Variants in RPTOR observed in about 807,000 individuals in gnomAD.
RPTOR encodes the protein regulatory associated protein of MTOR complex 1.
Under a neutral mutation model 169.9 loss-of-function variants are expected in RPTOR, and 21 were observed. The observed-to-expected ratio is 0.12, with a 90% CI of 0.09 to 0.18. The LOEUF (loss-of-function observed/expected upper bound fraction) is 0.18, where lower values mean the gene tolerates loss of function less well. Ranked by LOEUF, RPTOR falls within the 10% of genes least tolerant of loss-of-function variation. RPTOR has a pLI of 1.00. For missense variants in RPTOR, 1,133 were observed against 1,855.9 expected, an observed-to-expected ratio of 0.61 and a Z score of 7.16; for synonymous variants, 732 against 753.2, an observed-to-expected ratio of 0.97 and a Z score of 0.46.
chr17:80,575,218 T>A (rs2064951359), intron 1 of RPTOR, among the ~76,000 whole-genome samples: 1 of 151,944 alleles, frequency 6.6e-6, no homozygotes, highest in South Asian at 2.1e-4. Context: ...TTACCCAGGC[T>A]GGTCTTGAAT....
At position 80,960,210 on chromosome 17, in the gene RPTOR, C is replaced by G. The variant is rs755341746; in HGVS notation, c.3605+5C>G. ...AAGGATGGCACTCAGCGAATGGTAC[C>G]TTGACCCTGTCCTCTCCCTCCCCGA... On this transcript the variant is annotated splice_donor_5th_base_variant and intron_variant, in intron 30 of 33. Coordinates refer to ENST00000306801, the MANE Select transcript of RPTOR (RefSeq NM_020761.3). The surrounding 1 kb of genome is among the most constrained non-coding windows in gnomAD (Gnocchi z 4.8). 3 of 1,613,410 alleles carry G rather than the reference C, an allele frequency of 1.9e-6. No homozygotes were observed. The highest frequency in any genetic ancestry group is 2.5e-6 in the Non-Finnish European group (3 of 1,179,972).
intron 3 of RPTOR, among the ~76,000 whole-genome samples, chr17:80,685,627 A>ATATATATATTTTTT (rs1269766086): frequency 3.3e-5 from 1 of 30,698 alleles, no homozygotes; most frequent in Non-Finnish European, 5.4e-5. Flanking sequence ...ATATATATAT[A>ATATATATATTTTTT]TTTTTTTTTT....
At position 80,643,141 on chromosome 17, in the gene RPTOR, A is replaced by C. The variant is rs551306531; in HGVS notation, c.266-587A>C. On this transcript the variant is annotated intron_variant, in intron 2 of 33. Coordinates refer to ENST00000306801, the MANE Select transcript of RPTOR (RefSeq NM_020761.3). The stretch of plus-strand genomic sequence containing the variant: ...GGTTTTCAATAATTTTAGAGTGCAA[A>C]GGGGTCCTGAGACCAAACAAGTTTG... Among the ~76,000 whole-genome samples, 5 of 152,328 alleles carry C rather than the reference A, an allele frequency of 3.3e-5. No homozygotes were observed. The South Asian group carries it at 1.0e-3, about 32-fold the overall frequency.
intron 1 of RPTOR, among the ~76,000 whole-genome samples, chr17:80,607,518 C>G (rs2065237554): frequency 6.6e-6 from 1 of 151,990 alleles, no homozygotes; most frequent in Admixed American, 6.6e-5. Flanking sequence ...GATTTATACT[C>G]AGCTATGCCT....
chr17:80,765,746 C>T (rs2066780282), intron 6 of RPTOR, among the ~76,000 whole-genome samples: 1 of 152,154 alleles, frequency 6.6e-6, no homozygotes, highest in Non-Finnish European at 1.5e-5. Flanking sequence ...TGTTCTTTTT[C>T]TCTCGTTATG....
At chr17:80,795,478 G>A (rs1263165689) in intron 7 of RPTOR, among the ~76,000 whole-genome samples, 1 of 152,162 alleles carries the variant, frequency 6.6e-6, no homozygotes, top group South Asian at 2.1e-4. Flanking sequence ...ACAGCTGGAG[G>A]TTAGGGCAGT....
intron 2 of RPTOR, among the ~76,000 whole-genome samples, chr17:80,626,325 AC>A (rs1315533428): frequency 1.3e-5 from 2 of 148,818 alleles, no homozygotes; most frequent in African/African-American, 2.5e-5. Flanking sequence ...TACTGGGATT[AC>A]AGGCCAATTT....
At chr17:80,866,485 C>G (rs550632500) in intron 13 of RPTOR, among the ~76,000 whole-genome samples, 1 of 152,132 alleles carries the variant, frequency 6.6e-6, no homozygotes, top group Admixed American at 6.5e-5. Context: ...AGTGAAACAT[C>G]AAAATCTGTT....
At chr17:80,808,374 G>A (rs1157998062) in intron 7 of RPTOR, among the ~76,000 whole-genome samples, 5 of 152,102 alleles carry the variant, frequency 3.3e-5, no homozygotes, top group Admixed American at 1.3e-4. Flanking sequence ...GCAGTGGCTC[G>A]TGATGCACCA....
Position 80,892,752 on chromosome 17 carries a change from C to A in RPTOR, c.2125C>A (p.Arg709=). The A allele has an allele frequency of 6.2e-7, 1 of 1,614,010 alleles. No homozygotes were observed. Among genetic ancestry groups the A allele is most frequent in the Non-Finnish European group, 8.5e-7 (1 of 1,179,942 alleles). ...AGAGGGAGGGAGTTTGACCCCAGTGCGAGACAGCCCGTGCACCCCCAGACT... is the reference window on the plus strand; with the variant it reads ...AGAGGGAGGGAGTTTGACCCCAGTGAGAGACAGCCCGTGCACCCCCAGACT... The part of the protein sequence containing the change: ...TTEGGSLTPV[R]DSPCTPRLRS... Residue 709 remains arginine, a synonymous_variant, in exon 19 of 34, where the codon CGA becomes AGA. Coordinates refer to ENST00000306801, the MANE Select transcript of RPTOR (RefSeq NM_020761.3).
chr17:80,941,540 G>T (rs980177807), intron 25 of RPTOR, among the ~76,000 whole-genome samples: 1 of 152,186 alleles, frequency 6.6e-6, no homozygotes, highest in African/African-American at 2.4e-5. Context: ...CCCTGCCCTC[G>T]CGGCCACAGG....
At chr17:80,699,125 C>T (rs930606140) in intron 3 of RPTOR, among the ~76,000 whole-genome samples, 1 of 152,210 alleles carries the variant, frequency 6.6e-6, no homozygotes, top group Non-Finnish European at 1.5e-5. Flanking sequence ...TTTAAAATGC[C>T]CTCAAAATAA....
intron 1 of RPTOR, among the ~76,000 whole-genome samples, chr17:80,603,639 G>T (rs2065207648): frequency 6.6e-6 from 1 of 152,196 alleles, no homozygotes; most frequent in Non-Finnish European, 1.5e-5. Flanking sequence ...AGCAAAACCA[G>T]CTAGGCGAAA....
At chr17:80,889,417 G>T (rs574518198) in intron 17 of RPTOR, among the ~76,000 whole-genome samples, 1 of 152,342 alleles carries the variant, frequency 6.6e-6, no homozygotes, top group African/African-American at 2.4e-5. Context: ...CAGGAGGACA[G>T]ACAATGGCTT....
intron 6 of RPTOR, among the ~76,000 whole-genome samples, chr17:80,772,154 G>A (rs74001039): frequency 0.019 from 2,845 of 152,290 alleles, 98 homozygotes; most frequent in African/African-American, 0.065. Flanking sequence ...TATCAGGGTA[G>A]TGAATGAGTG....
chr17:80,695,721 A>T lies in RPTOR; in HGVS notation c.349-12120A>T, dbSNP rs902106257. 1.3e-5 allele frequency among the ~76,000 whole-genome samples: 2 copies of T among 152,172 alleles called. No individual in the cohort carries two copies. Among genetic ancestry groups the T allele is most frequent in the Non-Finnish European group, 2.9e-5 (2 of 68,040 alleles). ...TTTTGTATTTATAGACTTCTTCCAA[A>T]GGTCACCTCTTTTATTTCTGAAAAA... On this transcript the variant is annotated intron_variant, in intron 3 of 33. Coordinates refer to ENST00000306801, the MANE Select transcript of RPTOR (RefSeq NM_020761.3). The surrounding 1 kb of genome is among the most constrained non-coding windows in gnomAD (Gnocchi z 4.9).
Position 80,646,045 on chromosome 17 carries a change from G to A in RPTOR, c.348+2235G>A, listed in dbSNP as rs1482117794. Among the ~76,000 whole-genome samples the A allele has an allele frequency of 4.6e-5, 7 of 152,130 alleles. No homozygotes were observed. The highest frequency in any genetic ancestry group is 1.9e-4 in the East Asian group (1 of 5,188). On this transcript the variant is annotated intron_variant, in intron 3 of 33. Coordinates refer to ENST00000306801, the MANE Select transcript of RPTOR (RefSeq NM_020761.3). The surrounding 1 kb of genome is among the most constrained non-coding windows in gnomAD (Gnocchi z 5.0). The stretch of plus-strand genomic sequence containing the variant: ...AGGATGCTTCGGAAAAGGTACCAGC[G>A]CAGGCGGGATCCCATCTGGGCTGGT...
intron 6 of RPTOR, among the ~76,000 whole-genome samples, chr17:80,771,321 C>T (rs983459682): frequency 9.2e-5 from 14 of 152,334 alleles, no homozygotes; most frequent in Non-Finnish European, 1.2e-4. Context: ...TCCTTCCTCA[C>T]GCTCTCCCTC....
chr17:80,947,400 T>G lies in RPTOR; in HGVS notation c.3265+49T>G, dbSNP rs1184651148. On this transcript the variant is annotated intron_variant, in intron 27 of 33. Coordinates refer to ENST00000306801, the MANE Select transcript of RPTOR (RefSeq NM_020761.3). This position sits in a 1 kb window ranked among gnomAD's most constrained non-coding sequence, Gnocchi z 4.4. ...GATTGGAAGCCAGGGTCTGGAGGAGTGGCGGGGAGGGTGTGTGATCCTGAG... is the reference window on the plus strand; with the variant it reads ...GATTGGAAGCCAGGGTCTGGAGGAGGGGCGGGGAGGGTGTGTGATCCTGAG... 3 of 1,488,506 alleles carry G rather than the reference T, an allele frequency of 2.0e-6. No homozygotes were observed. The highest frequency in any genetic ancestry group is 2.0e-4 in the Middle Eastern group (1 of 4,914). The allele number at this position is 1,488,506 out of a possible 1,614,324, so 92.2% of individuals were successfully genotyped here. A position where few individuals can be genotyped will look rare whatever the true frequency, so the allele number is the denominator to read the frequency against.
Sources: allele counts gnomAD v4.1 joint callset (sites outside exome capture counted in the v4.1 genomes callset), GRCh38; gene constraint gnomAD v4.1.1; non-coding constraint Gnocchi (gnomAD v3.1); transcripts MANE v1.5; gene names NCBI Gene and HGNC (gene_info 2026-07-23, HGNC 2026-07-21).